ZNF268: variants seen among roughly 807,000 people sequenced by gnomAD.
The protein encoded by ZNF268 is zinc finger protein 3.
In ZNF268, 20 loss-of-function variants were observed where a neutral mutation model predicts 29.3. That is an observed-to-expected ratio of 0.68 (90% CI 0.48 to 0.99). The LOEUF is 0.99. Ranked by LOEUF, ZNF268 falls within the 50% of genes least tolerant of loss-of-function variation. The pLI, the probability that ZNF268 is intolerant of heterozygous loss-of-function variation, is 0.00. For synonymous variants in ZNF268, 429 were observed against 376.9 expected (o/e 1.14, Z -1.60); for missense variants, 1,240 against 1,121.6 (o/e 1.11, Z -1.51).
Position 133,211,509 on chromosome 12 carries a change from C to T in ZNF268, c.*6979C>T, listed in dbSNP as rs1956980601. 1 of 161,974 alleles carries T rather than the reference C, an allele frequency of 6.2e-6. No homozygotes were observed. The highest frequency in any genetic ancestry group is 2.4e-5 in the African/African-American group (1 of 41,406). The allele number at this position is 161,974 out of a possible 1,614,324, so 10.0% of individuals were successfully genotyped here. ...GCGGAGGCAGGAGAATGGCTTGAAC[C>T]CGGGAGGCGGAGGTTGCTGTGAGCC... On this transcript the variant is annotated 3_prime_UTR_variant, in exon 6 of 6. Coordinates refer to ENST00000536435, the MANE Select transcript of ZNF268 (RefSeq NM_003415.3).
chr12:133,190,091 A>C (rs1224656208), intron 3 of ZNF268, among the ~76,000 whole-genome samples: 2 of 152,212 alleles, frequency 1.3e-5, no homozygotes, highest in Non-Finnish European at 2.9e-5. Context: ...TACAGGCGTG[A>C]GCCATGGCGC....
intron 5 of ZNF268, among the ~76,000 whole-genome samples, chr12:133,197,852 G>C (rs1443693072): frequency 8.6e-5 from 13 of 152,038 alleles, no homozygotes; most frequent in Non-Finnish European, 1.5e-4. Flanking sequence ...AGAAGTGTCT[G>C]TTCATATCCT....
chr12:133,190,315 C>A (rs577362249), intron 3 of ZNF268, among the ~76,000 whole-genome samples: 1 of 152,130 alleles, frequency 6.6e-6, no homozygotes, highest in African/African-American at 2.4e-5. Flanking sequence ...TGTATAAATA[C>A]CTGGGGCATA....
chr12:133,209,720 G>A lies in ZNF268; in HGVS notation c.*5190G>A, dbSNP rs767479701. On this transcript the variant is annotated 3_prime_UTR_variant, in exon 6 of 6. Transcript: ENST00000536435. Reference sequence around the variant, plus strand: ...ATGCATCTATAATCCAAGCTACTCAGGAGAATTGCTTGAACTGGAGAGGCG... The same window carrying A: ...ATGCATCTATAATCCAAGCTACTCAAGAGAATTGCTTGAACTGGAGAGGCG... 6.6e-6 allele frequency: 1 copy of A among 152,200 alleles called. No individual in the cohort carries two copies. 9.4% of individuals were successfully genotyped at this position (152,200 alleles called of 1,614,324 possible).
At chr12:133,189,054 A>G (rs931104169) in intron 3 of ZNF268, among the ~76,000 whole-genome samples, 2 of 152,058 alleles carry the variant, frequency 1.3e-5, no homozygotes, top group African/African-American at 4.8e-5. Flanking sequence ...TTGAGTTCAA[A>G]TCCATGAACA....
intron 5 of ZNF268, 52 bp downstream of exon 5, chr12:133,192,055 C>G: frequency 5.5e-6 from 8 of 1,451,570 alleles, no homozygotes; most frequent in Non-Finnish European, 7.6e-6. Context: ...AGCATGAATT[C>G]CAATGTGATG....
intron 5 of ZNF268, among the ~76,000 whole-genome samples, chr12:133,197,578 G>A (rs1271612987): frequency 6.6e-6 from 1 of 152,068 alleles, no homozygotes; most frequent in African/African-American, 2.4e-5. Context: ...GGGTCAAATG[G>A]TATTTCTAGT....
chr12:133,198,743 T>TC (rs1390135976), intron 5 of ZNF268, among the ~76,000 whole-genome samples: 1 of 150,450 alleles, frequency 6.6e-6, no homozygotes. Flanking sequence ...CTTGAAGAGG[T>TC]CCTTCACATC....
rs1956883795 is a variant in ZNF268, at chr12:133,205,547, A to G, written c.*1017A>G. ...ACAATATCATCTTCCAGAGATTTCT[A>G]CTCTGCATACCAACATTGTTTCTTT... On this transcript the variant is annotated 3_prime_UTR_variant, in exon 6 of 6. Transcript: ENST00000536435. 6.6e-6 allele frequency: 1 copy of G among 152,170 alleles called. No homozygotes were observed. Among genetic ancestry groups the G allele is most frequent in the Non-Finnish European group, 1.5e-5 (1 of 68,036 alleles). The allele number at this position is 152,170 out of a possible 1,614,324, so 9.4% of individuals were successfully genotyped here. A position where few individuals can be genotyped will look rare whatever the true frequency, so the allele number is the denominator to read the frequency against.
rs752200778 is a variant in ZNF268, at chr12:133,187,952, G to A, written c.114G>A (p.Gly38=). The change falls in exon 3 of 6, where the codon GGG becomes GGA. Residue 38 remains glycine, a synonymous_variant. Coordinates refer to ENST00000536435, the MANE Select transcript of ZNF268 (RefSeq NM_003415.3). The part of the protein sequence containing the change: ...LQGQESILGQ[G]TPGLQPLPGT... ...GTCAGGAATCCATCTTGGGCCAAGG[G>A]ACTCCTGGTCTGCAACCTCTCCCTG... 1.2e-6 allele frequency: 2 copies of A among 1,600,372 alleles called. No individual in the cohort carries two copies.
intron 2 of ZNF268, chr12:133,184,518 A>G (rs1344682937): frequency 9.7e-6 from 2 of 206,748 alleles, no homozygotes; most frequent in African/African-American, 2.3e-5. Flanking sequence ...AGGGCCAGGC[A>G]GCTCTCTGAA....
chr12:133,191,375 C>A, intron 3 of ZNF268, 114 bp from the exon 4 acceptor site: 3 of 1,199,898 alleles, frequency 2.5e-6, no homozygotes, highest in Non-Finnish European at 2.4e-6. Context: ...TGGATGTTTT[C>A]AATACAATTT....
chr12:133,183,560 G>A (rs1447786329), intron 2 of ZNF268, among the ~76,000 whole-genome samples: 1 of 152,032 alleles, frequency 6.6e-6, no homozygotes, highest in East Asian at 1.9e-4. Flanking sequence ...TAACTAGTTG[G>A]GTGCAGTGCT....
intron 5 of ZNF268, among the ~76,000 whole-genome samples, chr12:133,200,562 C>A (rs557078541): frequency 6.6e-6 from 1 of 151,874 alleles, no homozygotes; most frequent in African/African-American, 2.4e-5. Context: ...TTTTAATATC[C>A]TTTTCTTTCA....
Position 133,196,271 on chromosome 12 carries a change from G to A in ZNF268, c.457+4268G>A, listed in dbSNP as rs559674940. Among the ~76,000 whole-genome samples, 9 of 144,168 alleles carry A rather than the reference G, an allele frequency of 6.2e-5. No individual in the cohort carries two copies. The East Asian group carries it at 1.0e-3, about 17-fold the overall frequency. 94.6% of individuals were successfully genotyped at this position (144,168 alleles called of 152,430 possible). A position where few individuals can be genotyped will look rare whatever the true frequency, so the allele number is the denominator to read the frequency against. On this transcript the variant is annotated intron_variant, in intron 5 of 5. Coordinates refer to ENST00000536435, the MANE Select transcript of ZNF268 (RefSeq NM_003415.3). ...TAGGGGGCGAAGATTGTAGTGAGCC[G>A]AGATCACACCACTGCACTCCAGCCT...
In ZNF268 at chr12:133,183,888, C is replaced by G. The variant is rs572332950; in HGVS notation, c.33+1858C>G. On this transcript the variant is annotated intron_variant, in intron 2 of 5. Coordinates refer to ENST00000536435, the MANE Select transcript of ZNF268 (RefSeq NM_003415.3). ...TAAGACAAAATAGAGACATGTAATT[C>G]ACACTTAAAGAAATGGAAACCTCAA... is the stretch of plus-strand genomic sequence containing the variant. 2.0e-4 allele frequency among the ~76,000 whole-genome samples: 30 copies of G among 152,258 alleles called. No homozygotes were observed. The South Asian group carries it at 6.2e-3, about 32-fold the overall frequency.
chr12:133,201,078 G>C (rs1254848568), intron 5 of ZNF268, among the ~76,000 whole-genome samples: 1 of 152,018 alleles, frequency 6.6e-6, no homozygotes, highest in Non-Finnish European at 1.5e-5. Flanking sequence ...CAAGTATACA[G>C]TGATTTATTT....
chr12:133,184,765 C>T (rs1459488605), intron 2 of ZNF268: 4 of 442,480 alleles, frequency 9.0e-6, no homozygotes, highest in East Asian at 7.0e-5. Flanking sequence ...TACAGGTGCG[C>T]ACCACCATGC....
intron 2 of ZNF268, 35 bp downstream of exon 2, chr12:133,182,065 C>T (rs1247161575): frequency 6.4e-7 from 1 of 1,552,010 alleles, no homozygotes; most frequent in South Asian, 1.2e-5. Flanking sequence ...TTGAAAAGCT[C>T]TCCCTGAATG....
Sources: allele counts gnomAD v4.1 joint callset (sites outside exome capture counted in the v4.1 genomes callset), GRCh38; gene constraint gnomAD v4.1.1; transcripts MANE v1.5; gene names NCBI Gene and HGNC (gene_info 2026-07-23, HGNC 2026-07-21).